ECE1: variants seen among roughly 807,000 people sequenced by gnomAD.
ECE1 encodes the protein endothelin-converting enzyme 1.
ECE1 carries 35 observed loss-of-function variants against 98.6 expected under a neutral mutation model. The observed-to-expected ratio is 0.35, with a 90% CI of 0.27 to 0.47. The LOEUF (loss-of-function observed/expected upper bound fraction) is 0.47, where lower values mean the gene tolerates loss of function less well. Ranked by LOEUF, ECE1 falls within the 20% of genes least tolerant of loss-of-function variation. The pLI is 1.00. For synonymous variants in ECE1, 394 were observed against 407.1 expected, an observed-to-expected ratio of 0.97 and a Z score of 0.39; for missense variants, 814 against 1,025.3, an observed-to-expected ratio of 0.79 and a Z score of 2.81.
chr1:21,263,876 C>A (rs751991644), intron 4 of ECE1, among the ~76,000 whole-genome samples: 3 of 152,140 alleles, frequency 2.0e-5, no homozygotes, highest in Non-Finnish European at 2.9e-5. Context: ...CACTCTCCCA[C>A]CTCTTCTTTT....
At chr1:21,321,609 G>GGATT (rs10622861) in intron 1 of ECE1, among the ~76,000 whole-genome samples, 52,739 of 151,104 alleles carry the variant, frequency 0.35, 9,688 homozygotes, top group African/African-American at 0.47. Context: ...CTGTCACACA[G>GGATT]GATTGATTGA....
chr1:21,263,042 G>A (rs1263618289), intron 4 of ECE1, among the ~76,000 whole-genome samples: 1 of 152,180 alleles, frequency 6.6e-6, no homozygotes, highest in East Asian at 1.9e-4. Context: ...CATCCCAGAG[G>A]CCTTGAAGGG....
At chr1:21,318,657 C>G (rs1638891189) in intron 1 of ECE1, among the ~76,000 whole-genome samples, 1 of 152,030 alleles carries the variant, frequency 6.6e-6, no homozygotes, top group Non-Finnish European at 1.5e-5. Context: ...ACAAGCCTAT[C>G]CAAGCAGAGG....
chr1:21,314,186 GT>G (rs2103393902), intron 1 of ECE1, among the ~76,000 whole-genome samples: 1 of 152,356 alleles, frequency 6.6e-6, no homozygotes, highest in African/African-American at 2.4e-5. Context: ...TGCACAGCTG[GT>G]AAAAAGATGG....
At chr1:21,256,852 C>T (rs12730017) in intron 7 of ECE1, 8,106 of 156,110 alleles carry the variant, frequency 0.052, 281 homozygotes, top group Non-Finnish European at 0.078. Context: ...TCCGCCTCGC[C>T]GACCAAACCA....
intron 4 of ECE1, among the ~76,000 whole-genome samples, chr1:21,263,146 C>G (rs986644337): frequency 2.6e-5 from 4 of 152,114 alleles, no homozygotes; most frequent in Non-Finnish European, 5.9e-5. Flanking sequence ...GGAGTAGAAG[C>G]AGGGGCTGTG....
At chr1:21,339,236 A>G (rs1349781848) in intron 1 of ECE1, among the ~76,000 whole-genome samples, 1 of 152,134 alleles carries the variant, frequency 6.6e-6, no homozygotes, top group Non-Finnish European at 1.5e-5. Flanking sequence ...GGGGAAGAAA[A>G]GGTCTAACTG....
At position 21,258,963 on chromosome 1, in the gene ECE1, A is replaced by G; in HGVS notation, c.616-124T>C. ...AGTCGCCTGACCTCTCTGAGCCTCA[A>G]GAGCAAAGGAAAGGATTGGTCTTCA... On this transcript the variant is annotated intron_variant, in intron 5 of 18. Transcript: ENST00000374893. The surrounding 1 kb of genome is among the most constrained non-coding windows in gnomAD (Gnocchi z 4.2). 1 of 1,360,078 alleles carries G rather than the reference A, an allele frequency of 7.4e-7. No homozygotes were observed. The highest frequency in any genetic ancestry group is 1.3e-5 in the South Asian group (1 of 74,350). 84.3% of individuals were successfully genotyped at this position (1,360,078 alleles called of 1,614,324 possible).
intron 4 of ECE1, among the ~76,000 whole-genome samples, chr1:21,262,735 G>C (rs940150816): frequency 2.0e-5 from 3 of 152,226 alleles, no homozygotes; most frequent in Non-Finnish European, 4.4e-5. Context: ...CACCGGGAGG[G>C]AGAAGGAATG....
intron 16 of ECE1, among the ~76,000 whole-genome samples, chr1:21,226,115 C>A (rs1179796670): frequency 6.6e-6 from 1 of 152,176 alleles, no homozygotes; most frequent in Non-Finnish European, 1.5e-5. Context: ...TCTGCTTCTT[C>A]CATCTCCGCC....
At chr1:21,328,839 C>A (rs1160429321) in intron 1 of ECE1, among the ~76,000 whole-genome samples, 6 of 150,428 alleles carry the variant, frequency 4.0e-5, no homozygotes, top group African/African-American at 1.5e-4. Context: ...TTAGGAGGAA[C>A]ACAGGCCTCG....
rs1033544113 is a variant in ECE1, at chr1:21,260,470, G to A, written c.494-78C>T. The A allele has an allele frequency of 2.6e-6, 4 of 1,565,990 alleles. No individual in the cohort carries two copies. Among genetic ancestry groups the A allele is most frequent in the African/African-American group, 1.4e-5 (1 of 73,932 alleles). ...GGCTTTGGGGCAGTCCCTCTTTTCG[G>A]AGCCTTGGTGTTCTCAGCTGCAAAG... On this transcript the variant is annotated intron_variant, in intron 4 of 18. Coordinates refer to ENST00000374893, the MANE Select transcript of ECE1 (RefSeq NM_001397.3). This position sits in a 1 kb window ranked among gnomAD's most constrained non-coding sequence, Gnocchi z 4.3.
At position 21,290,329 on chromosome 1, in the gene ECE1, T is replaced by TCCCGCCC; in HGVS notation, c.51+28_51+34dup. On this transcript the variant is annotated intron_variant, in intron 1 of 18. Transcript: ENST00000374893. This position sits in a 1 kb window ranked among gnomAD's most constrained non-coding sequence, Gnocchi z 7.3. The stretch of plus-strand genomic sequence containing the variant: ...CGCGCGGGGAGGGGTCCCGCCCGCC[T>TCCCGCCC]CCCGCCCCCGCCCTCCAGGCCGCGC... The TCCCGCCC allele has an allele frequency of 1.1e-5, 12 of 1,061,236 alleles. No homozygotes were observed. Among genetic ancestry groups the TCCCGCCC allele is most frequent in the Non-Finnish European group, 1.4e-5 (12 of 873,656 alleles). 65.7% of individuals were successfully genotyped at this position (1,061,236 alleles called of 1,614,324 possible). A position where few individuals can be genotyped will look rare whatever the true frequency, so the allele number is the denominator to read the frequency against.
intron 1 of ECE1, among the ~76,000 whole-genome samples, chr1:21,320,336 C>T (rs1638934758): frequency 6.6e-6 from 1 of 152,218 alleles, no homozygotes; most frequent in Admixed American, 6.5e-5. Context: ...CAGAGGACTG[C>T]TACGATCAAA....
chr1:21,345,468 T>A lies in ECE1; in HGVS notation c.-90A>T. Reference sequence around the variant, plus strand: ...GGTTCCCTGCTCCCAGCCCAGCTGCTCGGACGGCTCGGCTGCCTGGCCCAG... The same window carrying A: ...GGTTCCCTGCTCCCAGCCCAGCTGCACGGACGGCTCGGCTGCCTGGCCCAG... On this transcript the variant is annotated 5_prime_UTR_variant, in exon 1 of 19. Transcript: ENST00000415912. The surrounding 1 kb of genome is among the most constrained non-coding windows in gnomAD (Gnocchi z 5.1). 8.6e-7 allele frequency: 1 copy of A among 1,163,592 alleles called. No individual in the cohort carries two copies. The highest frequency in any genetic ancestry group is 1.1e-6 in the Non-Finnish European group (1 of 918,052). The allele number at this position is 1,163,592 out of a possible 1,614,324, so 72.1% of individuals were successfully genotyped here. A position where few individuals can be genotyped will look rare whatever the true frequency, so the allele number is the denominator to read the frequency against.
At chr1:21,316,410 A>G (rs1415101345) in intron 1 of ECE1, among the ~76,000 whole-genome samples, 4 of 151,984 alleles carry the variant, frequency 2.6e-5, no homozygotes, top group African/African-American at 4.8e-5. Flanking sequence ...CTGGGGTTAC[A>G]GGCGTGCGCC....
Position 21,225,510 on chromosome 1 carries a change from C to T in ECE1, c.1850-70G>A. On this transcript the variant is annotated intron_variant, in intron 16 of 18. Coordinates refer to ENST00000374893, the MANE Select transcript of ECE1 (RefSeq NM_001397.3). The surrounding 1 kb of genome is among the most constrained non-coding windows in gnomAD (Gnocchi z 5.3). ...AGCAGGGACCTGCTGCTCCTCCCTG[C>T]TCCTGGTGAGAAGCGGTTCATCCGT... The T allele has an allele frequency of 3.2e-6, 5 of 1,556,268 alleles. No individual in the cohort carries two copies. Among genetic ancestry groups the T allele is most frequent in the Non-Finnish European group, 4.4e-6 (5 of 1,144,834 alleles).
intron 2 of ECE1, among the ~76,000 whole-genome samples, 161 bp downstream of exon 2, chr1:21,289,909 G>A (rs1440747758): frequency 6.7e-6 from 1 of 149,674 alleles, no homozygotes; most frequent in Non-Finnish European, 1.5e-5. Flanking sequence ...TCAGCGCGGA[G>A]CTCCAGCTGC....
chr1:21,309,034 C>T (rs1343084880), intron 1 of ECE1, among the ~76,000 whole-genome samples: 5 of 152,184 alleles, frequency 3.3e-5, no homozygotes, highest in Admixed American at 1.3e-4. Flanking sequence ...ACAGGCTCCT[C>T]GCTAGTTGGG....
Sources: allele counts gnomAD v4.1 joint callset (sites outside exome capture counted in the v4.1 genomes callset), GRCh38; gene constraint gnomAD v4.1.1; non-coding constraint Gnocchi (gnomAD v3.1); transcripts MANE v1.5; gene names NCBI Gene and HGNC (gene_info 2026-07-23, HGNC 2026-07-21).